The following FGF14 variants were observed in gnomAD, a reference collection of about 807,000 sequenced individuals.
FGF14 encodes the protein fibroblast growth factor 14, also known as fibroblast growth factor homologous factor 4.
Under a neutral mutation model 25.5 loss-of-function variants are expected in FGF14, and 5 were observed. The observed-to-expected ratio is 0.20, with a 90% CI of 0.10 to 0.41. The LOEUF is 0.41. FGF14 is among the 10% of genes least tolerant of loss of function. The pLI, the probability that FGF14 is intolerant of heterozygous loss-of-function variation, is 1.00. For synonymous variants in FGF14, 138 were observed against 118.3 expected, an observed-to-expected ratio of 1.17 and a Z score of -1.08; for missense variants, 222 against 320.1, an observed-to-expected ratio of 0.69 and a Z score of 2.34.
intron 1 of FGF14, among the ~76,000 whole-genome samples, chr13:102,296,788 G>A (rs1198679590): frequency 6.6e-6 from 1 of 152,132 alleles, no homozygotes; most frequent in Non-Finnish European, 1.5e-5. Flanking sequence ...TTCAGCAGCA[G>A]TGCTAAGACA....
chr13:102,096,501 A>G (rs2044408289), intron 1 of FGF14, among the ~76,000 whole-genome samples: 1 of 152,198 alleles, frequency 6.6e-6, no homozygotes, highest in African/African-American at 2.4e-5. Flanking sequence ...AACAAGTAAC[A>G]TTCACTGAAA....
intron 3 of FGF14, among the ~76,000 whole-genome samples, chr13:101,824,806 T>A (rs938114171): frequency 6.6e-6 from 1 of 152,108 alleles, no homozygotes; most frequent in Non-Finnish European, 1.5e-5. Flanking sequence ...GAAGGTTAAG[T>A]TGATCACCAA....
At chr13:101,998,921 A>G (rs2039331694) in intron 1 of FGF14, among the ~76,000 whole-genome samples, 2 of 152,050 alleles carry the variant, frequency 1.3e-5, no homozygotes, top group Admixed American at 1.3e-4. Context: ...TTAAACACCC[A>G]TTTTTTTCTT....
chr13:102,211,086 C>G (rs984115968), intron 1 of FGF14, among the ~76,000 whole-genome samples: 14 of 152,002 alleles, frequency 9.2e-5, no homozygotes, highest in African/African-American at 3.1e-4. Flanking sequence ...TATCTCTCTG[C>G]TTAAAGACCC....
At chr13:102,110,867 A>G (rs1188689374) in intron 1 of FGF14, among the ~76,000 whole-genome samples, 1 of 152,174 alleles carries the variant, frequency 6.6e-6, no homozygotes, top group Non-Finnish European at 1.5e-5. Context: ...CCCACTTGAA[A>G]ATAATAATTT....
chr13:102,386,757 G>A (rs1045336660), intron 1 of FGF14, among the ~76,000 whole-genome samples: 7 of 152,318 alleles, frequency 4.6e-5, no homozygotes, highest in South Asian at 4.1e-4. Context: ...TCGTGACTCC[G>A]AAGTGGCACC....
At chr13:102,263,381 T>C (rs1364366622) in intron 1 of FGF14, among the ~76,000 whole-genome samples, 6 of 152,194 alleles carry the variant, frequency 3.9e-5, no homozygotes, top group South Asian at 4.1e-4. Flanking sequence ...ATTTGATGAA[T>C]AGGACAAAAA....
At chr13:101,933,494 C>A (rs142382713) in intron 1 of FGF14, among the ~76,000 whole-genome samples, 2 of 152,236 alleles carry the variant, frequency 1.3e-5, no homozygotes, top group African/African-American at 2.4e-5. Context: ...AAGGCTGAGA[C>A]AGGAGGATCA....
Position 101,774,225 on chromosome 13 carries a change from T to C in FGF14, c.409-47415A>G, listed in dbSNP as rs545826100. On this transcript the variant is annotated intron_variant, in intron 3 of 4. Transcript: ENST00000376143. ...TTGAAGAACTATTTTATTTAAGGGA[T>C]TGGACCCATTTTTGTATGTAGTTCC... is the stretch of plus-strand genomic sequence containing the variant. 9.2e-5 allele frequency among the ~76,000 whole-genome samples: 14 copies of C among 152,242 alleles called. No individual in the cohort carries two copies. In the East Asian group the frequency reaches 2.5e-3, roughly 27 times the overall value.
intron 1 of FGF14, among the ~76,000 whole-genome samples, chr13:102,362,375 TA>T (rs1334690121): frequency 1.3e-5 from 2 of 152,210 alleles, no homozygotes; most frequent in Non-Finnish European, 2.9e-5. Context: ...TTATCTCCTC[TA>T]TGGACTCTTC....
At chr13:102,152,558 G>T (rs945237939) in intron 1 of FGF14, among the ~76,000 whole-genome samples, 2 of 152,134 alleles carry the variant, frequency 1.3e-5, no homozygotes, top group African/African-American at 4.8e-5. Flanking sequence ...GAATACAGTT[G>T]CATTTTGGAG....
intron 1 of FGF14, among the ~76,000 whole-genome samples, chr13:102,058,760 A>C (rs1018079498): frequency 1.3e-5 from 2 of 152,106 alleles, no homozygotes; most frequent in Non-Finnish European, 2.9e-5. Flanking sequence ...ATGTAATCTA[A>C]TAACCAGTCT....
intron 1 of FGF14, among the ~76,000 whole-genome samples, chr13:102,083,557 G>A (rs2043742871): frequency 6.6e-6 from 1 of 152,144 alleles, no homozygotes; most frequent in Non-Finnish European, 1.5e-5. Context: ...TTTAGACAAA[G>A]CTTAGCTCTG....
intron 1 of FGF14, among the ~76,000 whole-genome samples, chr13:101,933,304 T>C (rs527819894): frequency 6.6e-6 from 1 of 152,324 alleles, no homozygotes; most frequent in African/African-American, 2.4e-5. Flanking sequence ...AATGGGAGGT[T>C]AGAGGTTCTT....
intron 1 of FGF14, among the ~76,000 whole-genome samples, chr13:102,088,539 C>T (rs535731287): frequency 6.6e-6 from 1 of 152,130 alleles, no homozygotes; most frequent in East Asian, 1.9e-4. Context: ...GTCAAAAATA[C>T]CACATTTTCA....
chr13:102,151,452 T>TAC (rs1566748932), intron 1 of FGF14, among the ~76,000 whole-genome samples: 1 of 152,210 alleles, frequency 6.6e-6, no homozygotes. Context: ...TTAACATCTA[T>TAC]ACTAATGTCA....
intron 3 of FGF14, among the ~76,000 whole-genome samples, chr13:101,816,464 C>T (rs1165235928): frequency 6.6e-6 from 1 of 151,962 alleles, no homozygotes; most frequent in Non-Finnish European, 1.5e-5. Flanking sequence ...AAAATAGCAA[C>T]TTATTCCCTG....
chr13:102,063,519 G>A (rs1225620661), intron 1 of FGF14, among the ~76,000 whole-genome samples: 1 of 151,962 alleles, frequency 6.6e-6, no homozygotes. Flanking sequence ...GGGAGGCTGA[G>A]GCATGAGAAT....
At chr13:102,103,087 C>T (rs1020925657) in intron 1 of FGF14, among the ~76,000 whole-genome samples, 1 of 152,056 alleles carries the variant, frequency 6.6e-6, no homozygotes, top group African/African-American at 2.4e-5. Flanking sequence ...TCCTTCAAAA[C>T]CTGATGAAAT....
Sources: gnomAD v4.1 joint callset for allele counts (sites outside exome capture counted in the v4.1 genomes callset) on GRCh38, gnomAD v4.1.1 for gene constraint, MANE v1.5 for transcripts, NCBI Gene and HGNC (gene_info 2026-07-23, HGNC 2026-07-21) for gene names.